The following AFG3L2 variants were observed in gnomAD, a reference collection of about 807,000 sequenced individuals.
AFG3L2 encodes the protein mitochondrial inner membrane m-AAA protease component AFG3L2.
In AFG3L2, 54 loss-of-function variants were observed where a neutral mutation model predicts 94.5. The ratio of observed to expected loss-of-function variants is 0.57; its 90% confidence interval spans 0.46 to 0.72. The LOEUF is 0.72. AFG3L2 is among the 30% of genes least tolerant of loss of function. The pLI is 0.00. For missense variants in AFG3L2, 754 were observed against 994.9 expected, an observed-to-expected ratio of 0.76 and a Z score of 3.26; for synonymous variants, 377 against 365.5, an observed-to-expected ratio of 1.03 and a Z score of -0.36.
intron 1 of AFG3L2, 140 bp downstream of exon 1, chr18:12,376,829 C>A (rs1598843002): frequency 1.8e-6 from 1 of 568,860 alleles, no homozygotes; most frequent in South Asian, 4.3e-5. Context: ...TGAGAGACAG[C>A]GCAGGGCGCC....
chr18:12,329,492 T>C lies in AFG3L2; in HGVS notation c.*73A>G. 3.4e-6 allele frequency: 5 copies of C among 1,486,302 alleles called. No individual in the cohort carries two copies. The highest frequency in any genetic ancestry group is 4.7e-6 in the Non-Finnish European group (5 of 1,065,538). 92.1% of individuals were successfully genotyped at this position (1,486,302 alleles called of 1,614,324 possible). A position where few individuals can be genotyped will look rare whatever the true frequency, so the allele number is the denominator to read the frequency against. ...AATCAGCGCAGCATTCCCATTCTTC[T>C]GAAAGCCACAGCTGAAATAATGCAC... On this transcript the variant is annotated 3_prime_UTR_variant, in exon 17 of 17. Transcript: ENST00000269143.
At position 12,329,284 on chromosome 18, in the gene AFG3L2, T is replaced by A. The variant is rs1907435259; in HGVS notation, c.*281A>T. The A allele has an allele frequency of 5.7e-6, 4 of 697,648 alleles. No homozygotes were observed. The highest frequency in any genetic ancestry group is 5.2e-6 in the Non-Finnish European group (2 of 382,802). The allele number at this position is 697,648 out of a possible 1,614,324, so 43.2% of individuals were successfully genotyped here. The stretch of plus-strand genomic sequence containing the variant: ...GCCGACCCCACTTGGTGCCACAGGG[T>A]CCAGCCTCGGCCACTCTGGGCTCAA... On this transcript the variant is annotated 3_prime_UTR_variant, in exon 17 of 17. Coordinates refer to ENST00000269143, the MANE Select transcript of AFG3L2 (RefSeq NM_006796.3).
chr18:12,340,591 A>ACCC (rs1907917190), intron 14 of AFG3L2, among the ~76,000 whole-genome samples, 190 bp from the exon 15 acceptor site: 1 of 9,818 alleles, frequency 1.0e-4, no homozygotes, highest in Non-Finnish European at 2.9e-4. Flanking sequence ...AGTTCACCTT[A>ACCC]GAGTGTTTTT....
intron 16 of AFG3L2, among the ~76,000 whole-genome samples, chr18:12,336,660 G>C (rs1907752215): frequency 6.6e-6 from 1 of 152,240 alleles, no homozygotes; most frequent in Admixed American, 6.5e-5. Flanking sequence ...TTAGGCAGTT[G>C]TGTCAATCCC....
chr18:12,371,740 C>T (rs2143235194), intron 1 of AFG3L2, 49 bp from the exon 2 acceptor site: 1 of 1,447,788 alleles, frequency 6.9e-7, no homozygotes, highest in Non-Finnish European at 9.6e-7. Context: ...AGATAAAAAA[C>T]TTAAAAGAGC....
Position 12,329,794 on chromosome 18 carries a change from A to C in AFG3L2, c.2176-11T>G. 1 of 1,599,488 alleles carries C rather than the reference A, an allele frequency of 6.3e-7. No homozygotes were observed. The highest frequency in any genetic ancestry group is 8.6e-7 in the Non-Finnish European group (1 of 1,166,790). On this transcript the variant is annotated splice_polypyrimidine_tract_variant and intron_variant, in intron 16 of 16. Coordinates refer to ENST00000269143, the MANE Select transcript of AFG3L2 (RefSeq NM_006796.3). ...CAACAGAAGAGCAACCTGAAATATG[A>C]ACAATTTTCATTAAATACAGTTACT...
At chr18:12,330,712 A>G (rs1907494786) in intron 16 of AFG3L2, among the ~76,000 whole-genome samples, 1 of 151,772 alleles carries the variant, frequency 6.6e-6, no homozygotes, top group Admixed American at 6.6e-5. Context: ...CAGGAGGCAG[A>G]GGTTGCAGTG....
intron 12 of AFG3L2, 29 bp from the exon 13 acceptor site, chr18:12,348,412 C>A (rs1354745564): frequency 6.4e-7 from 1 of 1,571,828 alleles, no homozygotes; most frequent in Non-Finnish European, 8.8e-7. Flanking sequence ...ACAGCTTACC[C>A]ACCGAAATAC....
intron 14 of AFG3L2, 59 bp from the exon 15 acceptor site, chr18:12,340,460 T>C (rs1568135168): frequency 7.5e-7 from 1 of 1,332,824 alleles, no homozygotes; most frequent in Middle Eastern, 1.8e-4. Context: ...GATCAAAACA[T>C]CTGTGTATAA....
In AFG3L2 at chr18:12,328,971, T is replaced by A. The variant is rs1907421770; in HGVS notation, c.*594A>T. On this transcript the variant is annotated 3_prime_UTR_variant, in exon 17 of 17. Transcript: ENST00000269143. ...TGTTCAGAAAAGTACAGTGTTGACA[T>A]TTTATTTTTTATGTAAAGAAGCCAT... 1.8e-6 allele frequency: 1 copy of A among 571,040 alleles called. No individual in the cohort carries two copies. Among genetic ancestry groups the A allele is most frequent in the African/African-American group, 1.9e-5 (1 of 53,574 alleles). 35.4% of individuals were successfully genotyped at this position (571,040 alleles called of 1,614,324 possible).
chr18:12,343,036 A>T (rs1241202098), intron 14 of AFG3L2: 1 of 152,112 alleles, frequency 6.6e-6, no homozygotes, highest in African/African-American at 2.4e-5. Context: ...TAATTACCAG[A>T]GATTGCACTG....
chr18:12,350,765 A>G (rs1908289779), intron 12 of AFG3L2, among the ~76,000 whole-genome samples: 1 of 152,146 alleles, frequency 6.6e-6, no homozygotes, highest in South Asian at 2.1e-4. Context: ...GTGCAACATA[A>G]TAAGTAAGAC....
chr18:12,356,941 T>C (rs1908515590), intron 8 of AFG3L2, 110 bp from the exon 9 acceptor site: 1 of 1,053,056 alleles, frequency 9.5e-7, no homozygotes, highest in Non-Finnish European at 1.4e-6. Flanking sequence ...TATTGATATA[T>C]ATTAAATATT....
At chr18:12,360,358 A>G (rs559504870) in intron 6 of AFG3L2, 1 of 329,136 alleles carries the variant, frequency 3.0e-6, no homozygotes, top group East Asian at 7.5e-5. Flanking sequence ...ATAAATATGC[A>G]TTATTTCCCT....
chr18:12,356,892 C>A (rs1394554380), intron 8 of AFG3L2, 61 bp from the exon 9 acceptor site: 2 of 1,522,942 alleles, frequency 1.3e-6, no homozygotes, highest in East Asian at 4.6e-5. Context: ...AATTGTGTAT[C>A]CACAAATAAT....
At position 12,363,430 on chromosome 18, in the gene AFG3L2, T is replaced by A. The variant is rs1382947521; in HGVS notation, c.627+352A>T. ...ATTTGATAAAAGCTGTCTCAAAACATAGGCAATTGAGATTTTAATTTTTTT... is the reference window on the plus strand; with the variant it reads ...ATTTGATAAAAGCTGTCTCAAAACAAAGGCAATTGAGATTTTAATTTTTTT... On this transcript the variant is annotated intron_variant, in intron 6 of 16. Transcript: ENST00000269143. Among the ~76,000 whole-genome samples, 5 of 152,202 alleles carry A rather than the reference T, an allele frequency of 3.3e-5. No individual in the cohort carries two copies. The South Asian group carries it at 1.0e-3, about 31-fold the overall frequency.
intron 1 of AFG3L2, among the ~76,000 whole-genome samples, chr18:12,374,898 A>G (rs1363328863): frequency 1.3e-5 from 2 of 152,098 alleles, no homozygotes; most frequent in Non-Finnish European, 2.9e-5. Context: ...TCTACTAAAA[A>G]TACAAAATTT....
At chr18:12,364,486 C>G (rs1306952782) in intron 5 of AFG3L2, among the ~76,000 whole-genome samples, 1 of 152,146 alleles carries the variant, frequency 6.6e-6, no homozygotes, top group African/African-American at 2.4e-5. Context: ...TGCCAAATTG[C>G]TCTCCAAAAT....
chr18:12,369,851 T>G (rs531584860), intron 3 of AFG3L2, among the ~76,000 whole-genome samples: 2 of 151,268 alleles, frequency 1.3e-5, no homozygotes, highest in African/African-American at 4.9e-5. Context: ...GGTCAGGAGA[T>G]GGAGACCATC....
Sources: allele counts gnomAD v4.1 joint callset (sites outside exome capture counted in the v4.1 genomes callset), GRCh38; gene constraint gnomAD v4.1.1; transcripts MANE v1.5; gene names NCBI Gene and HGNC (gene_info 2026-07-23, HGNC 2026-07-21).